The following TRPM6 variants were observed in gnomAD, a reference collection of about 807,000 sequenced individuals.
TRPM6 encodes the protein channel kinase 2.
TRPM6 carries 111 observed loss-of-function variants against 247.6 expected under a neutral mutation model. The ratio of observed to expected loss-of-function variants is 0.45; its 90% CI spans 0.38 to 0.52. The LOEUF (loss-of-function observed/expected upper bound fraction) is 0.52, where lower values mean the gene tolerates loss of function less well. TRPM6 is among the 20% of genes least tolerant of loss of function. The probability of loss-of-function intolerance (pLI) is 0.00; values close to 1 mark genes in which losing one functional copy is unlikely to be tolerated. For synonymous variants in TRPM6, 892 were observed against 853.8 expected, an observed-to-expected ratio of 1.04 and a Z score of -0.78; for missense variants, 2,126 against 2,421.5, an observed-to-expected ratio of 0.88 and a Z score of 2.56.
chr9:74,743,956 T>C, intron 32 of TRPM6, 139 bp downstream of exon 32: 3 of 839,524 alleles, frequency 3.6e-6, no homozygotes, highest in Non-Finnish European at 3.9e-6. Context: ...ATTGGAATGT[T>C]CTTCCCATCA....
intron 3 of TRPM6, among the ~76,000 whole-genome samples, chr9:74,853,319 G>T (rs1830418994): frequency 6.6e-6 from 1 of 151,890 alleles, no homozygotes; most frequent in Non-Finnish European, 1.5e-5. Flanking sequence ...GGGAGGTTGG[G>T]GGGCGCCTCT....
rs1261047957 is a variant in TRPM6, at chr9:74,762,059, T to G, written c.4612A>C (p.Arg1538=). The G allele has an allele frequency of 1.9e-6, 3 of 1,614,228 alleles. No homozygotes were observed. The highest frequency in any genetic ancestry group is 2.5e-6 in the Non-Finnish European group (3 of 1,180,044). The part of the protein sequence containing the change: ...NPLRRYRPFA[R]SHSFRFHKEE... The stretch of plus-strand genomic sequence containing the variant: ...TTATGGAATCTAAAACTATGACTCC[T>G]AGCGAAGGGCCTGTATCTGCGGAGA... Residue 1538 remains arginine (R), a synonymous_variant, in exon 26 of 39, where the codon AGG becomes CGG. Transcript: ENST00000360774.
At chr9:74,733,932 CA>C (rs2118708326) in intron 36 of TRPM6, among the ~76,000 whole-genome samples, 1 of 152,202 alleles carries the variant, frequency 6.6e-6, no homozygotes, top group East Asian at 1.9e-4. Flanking sequence ...GTGATGGTTA[CA>C]CCTGTGTATT....
At position 74,740,640 on chromosome 9, in the gene TRPM6, A is replaced by G. The variant is rs115947680; in HGVS notation, c.5201-631T>C. 1.1e-3 allele frequency among the ~76,000 whole-genome samples: 175 copies of G among 152,324 alleles called. 3 individuals carry two copies. Among genetic ancestry groups the G allele is most frequent in the African/African-American group, 3.8e-3 (160 of 41,568 alleles). ...AATATTTTTAATAATCTTGTGCACAAAACAAAGTTTTGACAGTGTCTTGAC... is the reference window on the plus strand; with the variant it reads ...AATATTTTTAATAATCTTGTGCACAGAACAAAGTTTTGACAGTGTCTTGAC... On this transcript the variant is annotated intron_variant, in intron 33 of 38. Transcript: ENST00000360774.
Position 74,794,900 on chromosome 9 carries a change from T to G in TRPM6, c.2391+1841A>C, listed in dbSNP as rs73532476. 3.6e-3 allele frequency among the ~76,000 whole-genome samples: 512 copies of G among 143,022 alleles called. 2 individuals carry two copies. The highest frequency in any genetic ancestry group is 0.013 in the African/African-American group (489 of 37,838). 93.8% of individuals were successfully genotyped at this position (143,022 alleles called of 152,430 possible). A position where few individuals can be genotyped will look rare whatever the true frequency, so the allele number is the denominator to read the frequency against. Reference sequence around the variant, plus strand: ...CCCTGACCACCCCACACTCTTTTTTTCTAATTGTAATCTGATACACAGATT... The same window carrying G: ...CCCTGACCACCCCACACTCTTTTTTGCTAATTGTAATCTGATACACAGATT... On this transcript the variant is annotated intron_variant, in intron 18 of 38. Transcript: ENST00000360774.
At chr9:74,804,480 C>T (rs568327706) in intron 14 of TRPM6, 17 of 665,972 alleles carry the variant, frequency 2.6e-5, no homozygotes, top group South Asian at 2.5e-4. Context: ...CATAAGCTTG[C>T]CTGATCTCTA....
At chr9:74,832,020 C>T (rs1829564369) in intron 6 of TRPM6, among the ~76,000 whole-genome samples, 1 of 152,110 alleles carries the variant, frequency 6.6e-6, no homozygotes, top group African/African-American at 2.4e-5. Context: ...GCAACGACTG[C>T]TAACATTATA....
At chr9:74,744,341 A>C (rs1825964310) in intron 31 of TRPM6, among the ~76,000 whole-genome samples, 196 bp from the exon 32 acceptor site, 1 of 152,186 alleles carries the variant, frequency 6.6e-6, no homozygotes, top group African/African-American at 2.4e-5. Context: ...TCAATGTAAT[A>C]TCTCCAAACA....
intron 13 of TRPM6, among the ~76,000 whole-genome samples, chr9:74,809,151 G>A (rs143042474): frequency 1.3e-5 from 2 of 152,158 alleles, no homozygotes; most frequent in Non-Finnish European, 2.9e-5. Flanking sequence ...CCACAATAAA[G>A]AGAATATTGC....
Position 74,782,662 on chromosome 9 carries a change from TA to T in TRPM6, c.3094+16del. 1 of 1,613,802 alleles carries T rather than the reference TA, an allele frequency of 6.2e-7. No homozygotes were observed. Among genetic ancestry groups the T allele is most frequent in the Non-Finnish European group, 8.5e-7 (1 of 1,179,676 alleles). On this transcript the variant is annotated intron_variant, in intron 22 of 38. Coordinates refer to ENST00000360774, the MANE Select transcript of TRPM6 (RefSeq NM_017662.5). ...TGAAGGCACAATTTCTGCATGACGG[TA>T]AAATCCCATACACACCATCTATTTC...
intron 3 of TRPM6, among the ~76,000 whole-genome samples, chr9:74,842,942 T>G (rs1829991132): frequency 6.6e-6 from 1 of 152,214 alleles, no homozygotes. Context: ...TTGGCCACAT[T>G]GATTAACTCT....
At position 74,739,603 on chromosome 9, in the gene TRPM6, C is replaced by T. The variant is rs547182817; in HGVS notation, c.5487+120G>A. 2.0e-6 allele frequency: 3 copies of T among 1,529,346 alleles called. No homozygotes were observed. The South Asian group carries it at 3.4e-5, about 17-fold the overall frequency. 94.7% of individuals were successfully genotyped at this position (1,529,346 alleles called of 1,614,324 possible). A position where few individuals can be genotyped will look rare whatever the true frequency, so the allele number is the denominator to read the frequency against. ...CAAAAGTCCTACAAAGCAATACTAC[C>T]TCTAAAAAATAATAGGCTCCCCTTT... On this transcript the variant is annotated intron_variant, in intron 34 of 38. Coordinates refer to ENST00000360774, the MANE Select transcript of TRPM6 (RefSeq NM_017662.5).
Position 74,739,889 on chromosome 9 carries a change from T to G in TRPM6, c.5321A>C (p.Glu1774Ala). 1 of 1,614,044 alleles carries G rather than the reference T, an allele frequency of 6.2e-7. No homozygotes were observed. Among genetic ancestry groups the G allele is most frequent in the Non-Finnish European group, 8.5e-7 (1 of 1,180,002 alleles). Residue 1774 changes from glutamate to alanine, a missense_variant, in exon 34 of 39, where the codon GAG (glutamate) becomes GCG (alanine). Coordinates refer to ENST00000360774, the MANE Select transcript of TRPM6 (RefSeq NM_017662.5). ...AAMIQVLSRE[E>A]MDGGLRKAMR... ...AGCTTTACGGAGGCCCCCATCCATCTCCTCTCGGGACAATACCTGGATCAT... is the reference window on the plus strand; with the variant it reads ...AGCTTTACGGAGGCCCCCATCCATCGCCTCTCGGGACAATACCTGGATCAT...
Position 74,883,835 on chromosome 9 carries a change from T to C in TRPM6, c.33+3989A>G, listed in dbSNP as rs138527428. On this transcript the variant is annotated intron_variant, in intron 1 of 38. Transcript: ENST00000360774. Reference sequence around the variant, plus strand: ...GCGTGGGCAACATAGTAAGATTCCATCTCAATAAAATAAAATTAAATTAAA... The same window carrying C: ...GCGTGGGCAACATAGTAAGATTCCACCTCAATAAAATAAAATTAAATTAAA... 2.1e-3 allele frequency among the ~76,000 whole-genome samples: 321 copies of C among 152,264 alleles called. 7 individuals are homozygous for C. Among genetic ancestry groups the C allele is most frequent in the African/African-American group, 7.3e-3 (304 of 41,560 alleles).
At chr9:74,886,916 G>A (rs1831548740) in intron 1 of TRPM6, among the ~76,000 whole-genome samples, 1 of 152,192 alleles carries the variant, frequency 6.6e-6, no homozygotes, top group Non-Finnish European at 1.5e-5. Flanking sequence ...AGGCTGAAAT[G>A]AGCTAACGTT....
chr9:74,877,008 T>A (rs1007039932), intron 1 of TRPM6, among the ~76,000 whole-genome samples: 5 of 152,146 alleles, frequency 3.3e-5, no homozygotes, highest in Non-Finnish European at 4.4e-5. Context: ...TCATTAGTCA[T>A]AAGGGAAATG....
intron 7 of TRPM6, among the ~76,000 whole-genome samples, chr9:74,824,982 G>A (rs1829277965): frequency 6.6e-6 from 1 of 152,058 alleles, no homozygotes; most frequent in Non-Finnish European, 1.5e-5. Context: ...ACCACAGGCT[G>A]GGCATGGTGG....
intron 28 of TRPM6, among the ~76,000 whole-genome samples, chr9:74,752,830 A>G (rs1826297218): frequency 6.6e-6 from 1 of 152,172 alleles, no homozygotes; most frequent in Non-Finnish European, 1.5e-5. Context: ...AGAATAATAG[A>G]GGCCAGGCGC....
At chr9:74,784,841 A>G (rs2118938015) in intron 21 of TRPM6, among the ~76,000 whole-genome samples, 1 of 152,236 alleles carries the variant, frequency 6.6e-6, no homozygotes, top group African/African-American at 2.4e-5. Flanking sequence ...GCGAGGCACA[A>G]TGGCTCATGC....
Sources: allele counts gnomAD v4.1 joint callset (sites outside exome capture counted in the v4.1 genomes callset), GRCh38; gene constraint gnomAD v4.1.1; transcripts MANE v1.5; gene names NCBI Gene and HGNC (gene_info 2026-07-23, HGNC 2026-07-21).